SPEF2: variants seen among roughly 807,000 people sequenced by gnomAD.
The protein encoded by SPEF2 is sperm flagellar and cilia associated 2.
In SPEF2, 187 loss-of-function variants were observed where a neutral mutation model predicts 224.6. The observed-to-expected ratio is 0.83, with a 90% CI of 0.74 to 0.94. The LOEUF (loss-of-function observed/expected upper bound fraction) is 0.94. SPEF2 is among the 40% of genes least tolerant of loss of function. The pLI is 0.00. For synonymous variants in SPEF2, 715 were observed against 707.3 expected (o/e 1.01, Z -0.17); for missense variants, 2,170 against 2,135.6 (o/e 1.02, Z -0.32).
At chr5:35,759,428 A>T (rs1750913132) in intron 24 of SPEF2, 140 bp from the exon 25 acceptor site, 1 of 682,934 alleles carries the variant, frequency 1.5e-6, no homozygotes, top group Non-Finnish European at 2.2e-6. Flanking sequence ...TAGACTTGTA[A>T]CTAATGTTCC....
At chr5:35,751,001 A>ATATATATACACG (rs1554048597) in intron 23 of SPEF2, among the ~76,000 whole-genome samples, 5 of 91,600 alleles carry the variant, frequency 5.5e-5, no homozygotes, top group East Asian at 3.5e-4. Flanking sequence ...ATATATGTAT[A>ATATATATACACG]TATATATATA....
intron 25 of SPEF2, among the ~76,000 whole-genome samples, chr5:35,762,938 G>T (rs1039992536): frequency 2.0e-5 from 3 of 152,146 alleles, no homozygotes; most frequent in Admixed American, 2.0e-4. Context: ...TGGTGCTGTA[G>T]GCTACCCCCA....
At chr5:35,645,935 A>G (rs1247710527) in intron 4 of SPEF2, among the ~76,000 whole-genome samples, 1 of 152,160 alleles carries the variant, frequency 6.6e-6, no homozygotes, top group African/African-American at 2.4e-5. Flanking sequence ...ATCTTTGGAC[A>G]TGAGAGCTAA....
At chr5:35,782,790 G>C (rs1408901455) in intron 30 of SPEF2, among the ~76,000 whole-genome samples, 1 of 152,050 alleles carries the variant, frequency 6.6e-6, no homozygotes, top group Admixed American at 6.6e-5. Context: ...AAATTGAAAA[G>C]CATCATATAT....
intron 9 of SPEF2, 127 bp downstream of exon 9, chr5:35,667,386 G>A: frequency 1.2e-6 from 1 of 819,636 alleles, no homozygotes; most frequent in Non-Finnish European, 1.8e-6. Context: ...CTAAAAGGTG[G>A]GGTCCAGGAG....
At chr5:35,762,361 C>T (rs74793206) in intron 25 of SPEF2, among the ~76,000 whole-genome samples, 3,059 of 152,256 alleles carry the variant, frequency 0.02, 74 homozygotes, top group South Asian at 0.054. Flanking sequence ...TAGAAGTGAT[C>T]GCACAAGCCT....
intron 29 of SPEF2, 67 bp downstream of exon 29, chr5:35,776,462 T>C: frequency 6.6e-7 from 1 of 1,513,754 alleles, no homozygotes; most frequent in East Asian, 2.3e-5. Context: ...TGATGAAGAT[T>C]TTTAAGGTAT....
intron 23 of SPEF2, among the ~76,000 whole-genome samples, chr5:35,752,201 G>A (rs1256419758): frequency 6.6e-6 from 1 of 152,148 alleles, no homozygotes; most frequent in Non-Finnish European, 1.5e-5. Context: ...ACAAGCCATG[G>A]ATGGGTACCA....
chr5:35,638,965 G>T (rs1380326680), intron 2 of SPEF2, among the ~76,000 whole-genome samples: 1 of 152,294 alleles, frequency 6.6e-6, no homozygotes, highest in South Asian at 2.1e-4. Context: ...GCTCTTATTG[G>T]CAGGACCACA....
chr5:35,792,294 A>C, intron 30 of SPEF2, 46 bp from the exon 31 acceptor site: 1 of 1,480,986 alleles, frequency 6.8e-7, no homozygotes, highest in Non-Finnish European at 9.3e-7. Flanking sequence ...GAAGAGAAAA[A>C]CCATCACCTA....
At chr5:35,743,815 T>G (rs1748045646) in intron 23 of SPEF2, among the ~76,000 whole-genome samples, 1 of 152,194 alleles carries the variant, frequency 6.6e-6, no homozygotes, top group African/African-American at 2.4e-5. Flanking sequence ...TTTCATCAGT[T>G]TTAAGGCAGC....
intron 19 of SPEF2, among the ~76,000 whole-genome samples, chr5:35,712,211 C>T (rs894018501): frequency 3.3e-5 from 5 of 151,774 alleles, no homozygotes; most frequent in Admixed American, 2.0e-4. Context: ...TTTACCTGTT[C>T]TTCAAAGTGT....
rs115653165 is a variant in SPEF2, at chr5:35,695,080, G to C, written c.1976-655G>C. On this transcript the variant is annotated intron_variant, in intron 13 of 36. Transcript: ENST00000356031. ...ATTGAACAATGTCCAGGTTTACTAT[G>C]AGCATACAACACTCCAGAGAGGTTG... Among the ~76,000 whole-genome samples, 1,349 of 152,262 alleles carry C rather than the reference G, an allele frequency of 8.9e-3. 15 individuals carry two copies. Among genetic ancestry groups the C allele is most frequent in the African/African-American group, 0.032 (1,310 of 41,560 alleles).
At chr5:35,747,783 AG>A (rs1748782217) in intron 23 of SPEF2, among the ~76,000 whole-genome samples, 2 of 152,258 alleles carry the variant, frequency 1.3e-5, no homozygotes, top group African/African-American at 2.4e-5. Flanking sequence ...TCATCAAGAT[AG>A]AAAGTCAACA....
At chr5:35,751,096 C>CATATATATATATAT (rs376188111) in intron 23 of SPEF2, among the ~76,000 whole-genome samples, 38 of 30,552 alleles carry the variant, frequency 1.2e-3, no homozygotes, top group African/African-American at 2.1e-3. Context: ...CACACACACA[C>CATATATATATATAT]ATATATATAT....
intron 20 of SPEF2, among the ~76,000 whole-genome samples, chr5:35,717,197 T>A (rs1323660305): frequency 1.3e-5 from 2 of 152,190 alleles, no homozygotes; most frequent in African/African-American, 4.8e-5. Flanking sequence ...ACAGGATTTT[T>A]TTTTTCTATA....
At chr5:35,784,221 G>T (rs1043057730) in intron 30 of SPEF2, among the ~76,000 whole-genome samples, 1 of 151,274 alleles carries the variant, frequency 6.6e-6, no homozygotes, top group Non-Finnish European at 1.5e-5. Flanking sequence ...TCTACCTCCC[G>T]GGTTCACGCC....
intron 10 of SPEF2, among the ~76,000 whole-genome samples, chr5:35,688,470 T>C (rs1753976540): frequency 1.3e-5 from 2 of 152,234 alleles, no homozygotes; most frequent in Non-Finnish European, 2.9e-5. Context: ...AAATCAGAAA[T>C]AAATGTTGAG....
At chr5:35,647,705 A>T (rs1471041993) in intron 5 of SPEF2, among the ~76,000 whole-genome samples, 1 of 151,986 alleles carries the variant, frequency 6.6e-6, no homozygotes, top group Admixed American at 6.5e-5. Flanking sequence ...CAAGGTACAC[A>T]TAGCATATGT....
Sources: gnomAD v4.1 joint callset for allele counts (sites outside exome capture counted in the v4.1 genomes callset) on GRCh38, gnomAD v4.1.1 for gene constraint, MANE v1.5 for transcripts, NCBI Gene and HGNC (gene_info 2026-07-23, HGNC 2026-07-21) for gene names.